CCDC85A: variants seen among roughly 807,000 people sequenced by gnomAD.
The protein encoded by CCDC85A is coiled-coil domain containing 85A.
In CCDC85A, 38 loss-of-function variants were observed where a neutral mutation model predicts 50.2. That is an observed-to-expected ratio of 0.76 (90% CI 0.58 to 0.99). The LOEUF is 0.99. CCDC85A is among the 50% of genes least tolerant of loss of function. CCDC85A has a pLI of 0.00. For missense variants in CCDC85A, 820 were observed against 742.0 expected, an observed-to-expected ratio of 1.11 and a Z score of -1.22; for synonymous variants, 366 against 301.4, an observed-to-expected ratio of 1.21 and a Z score of -2.22.
chr2:56,368,532 C>G (rs887331550), intron 3 of CCDC85A, among the ~76,000 whole-genome samples: 2 of 152,128 alleles, frequency 1.3e-5, no homozygotes, highest in African/African-American at 4.8e-5. Flanking sequence ...TAGGCATACA[C>G]TCTGATGAGG....
chr2:56,368,177 ATTAC>A (rs1675899380), intron 3 of CCDC85A, among the ~76,000 whole-genome samples: 1 of 152,192 alleles, frequency 6.6e-6, no homozygotes, highest in South Asian at 2.1e-4. Flanking sequence ...CATCCAGGAA[ATTAC>A]TTATTATTTT....
At chr2:56,234,388 A>T (rs12996636) in intron 2 of CCDC85A, among the ~76,000 whole-genome samples, 22,879 of 152,094 alleles carry the variant, frequency 0.15, 2,162 homozygotes, top group East Asian at 0.35. Flanking sequence ...CTGAGCAGAA[A>T]CTCAGTGAAT....
intron 3 of CCDC85A, among the ~76,000 whole-genome samples, chr2:56,355,818 A>T (rs746561310): frequency 2.0e-5 from 3 of 152,200 alleles, no homozygotes; most frequent in Non-Finnish European, 4.4e-5. Context: ...TTGTCTTTTC[A>T]TGACCTAAAA....
At chr2:56,370,380 A>G (rs1029297840) in intron 3 of CCDC85A, among the ~76,000 whole-genome samples, 2 of 152,124 alleles carry the variant, frequency 1.3e-5, no homozygotes, top group Non-Finnish European at 2.9e-5. Context: ...TGGCTGGCCC[A>G]GAACACACTT....
chr2:56,370,468 C>G (rs1198877491), intron 3 of CCDC85A, among the ~76,000 whole-genome samples: 2 of 151,984 alleles, frequency 1.3e-5, no homozygotes, highest in African/African-American at 4.8e-5. Context: ...AAAAGAGTGC[C>G]TTTTCCTTTA....
intron 2 of CCDC85A, among the ~76,000 whole-genome samples, chr2:56,323,651 G>T (rs1206586048): frequency 1.3e-5 from 2 of 152,008 alleles, no homozygotes; most frequent in African/African-American, 4.8e-5. Context: ...AATCATGTTG[G>T]TTATCACAAA....
At chr2:56,379,772 T>C (rs925726727) in intron 5 of CCDC85A, 2 of 984,314 alleles carry the variant, frequency 2.0e-6, no homozygotes, top group Admixed American at 6.2e-5. Flanking sequence ...CAGGAAACTA[T>C]AGATCGTCAA....
chr2:56,237,527 C>G (rs1400785208), intron 2 of CCDC85A, among the ~76,000 whole-genome samples: 1 of 152,162 alleles, frequency 6.6e-6, no homozygotes, highest in Non-Finnish European at 1.5e-5. Flanking sequence ...TGTTAAGCAG[C>G]TTACGTGAAT....
rs1676749410 is a variant in CCDC85A at position 56,384,653 on chromosome 2, T to A, written c.*298T>A. On this transcript the variant is annotated 3_prime_UTR_variant, in exon 6 of 6. Transcript: ENST00000407595. ...TACCAGTGTTTTCATTAGAAATAAG[T>A]GTTTTTAACTCCCCAGATATAATAT... 2 of 276,718 alleles carry A rather than the reference T, an allele frequency of 7.2e-6. No homozygotes were observed. The highest frequency in any genetic ancestry group is 1.2e-4 in the South Asian group (2 of 16,058). 17.1% of individuals were successfully genotyped at this position (276,718 alleles called of 1,614,324 possible). A position where few individuals can be genotyped will look rare whatever the true frequency, so the allele number is the denominator to read the frequency against.
chr2:56,264,147 G>C (rs182800505), intron 2 of CCDC85A, among the ~76,000 whole-genome samples: 4 of 152,250 alleles, frequency 2.6e-5, no homozygotes, highest in African/African-American at 9.6e-5. Flanking sequence ...ATTTCATCCA[G>C]TCTCATGCCA....
At position 56,209,605 on chromosome 2, in the gene CCDC85A, A is replaced by G. The variant is rs1247307137; in HGVS notation, c.1240+16165A>G. Among the ~76,000 whole-genome samples the G allele has an allele frequency of 2.0e-5, 3 of 152,048 alleles. No homozygotes were observed. The East Asian group carries it at 5.8e-4, about 30-fold the overall frequency. On this transcript the variant is annotated intron_variant, in intron 2 of 5. Coordinates refer to ENST00000407595, the MANE Select transcript of CCDC85A (RefSeq NM_001080433.2). Reference sequence around the variant, plus strand: ...GGATAGGTCTGCATTGGTAGTAGGAACTTCTGAGAATTTGTAATTTCTGTT... The same window carrying G: ...GGATAGGTCTGCATTGGTAGTAGGAGCTTCTGAGAATTTGTAATTTCTGTT...
rs118140707 is a variant in CCDC85A, at chr2:56,190,267, G to T, written c.277-2210G>T. Among the ~76,000 whole-genome samples, 30 of 152,284 alleles carry T rather than the reference G, an allele frequency of 2.0e-4. No homozygotes were observed. The East Asian group carries it at 5.4e-3, about 27-fold the overall frequency. ...AATCTTAGGTAGCAGCCCTGTAGCT[G>T]CCCCTGTTTCATCCTTACCAAACTA... On this transcript the variant is annotated intron_variant, in intron 1 of 5. Transcript: ENST00000407595.
intron 2 of CCDC85A, among the ~76,000 whole-genome samples, chr2:56,304,955 A>T (rs1457247191): frequency 6.6e-6 from 1 of 151,494 alleles, no homozygotes; most frequent in African/African-American, 2.4e-5. Flanking sequence ...AAAAAAAAAA[A>T]ACCTGGGCGT....
intron 3 of CCDC85A, among the ~76,000 whole-genome samples, chr2:56,361,581 T>G (rs1675528311): frequency 6.6e-6 from 1 of 152,198 alleles, no homozygotes; most frequent in Admixed American, 6.5e-5. Context: ...ACCTCTCATC[T>G]GAGGAGACTT....
chr2:56,231,163 C>G (rs1668756740), intron 2 of CCDC85A, among the ~76,000 whole-genome samples: 1 of 152,202 alleles, frequency 6.6e-6, no homozygotes. Context: ...GCTCATTCAA[C>G]TAGCATGACA....
At position 56,211,798 on chromosome 2, in the gene CCDC85A, A is replaced by C. The variant is rs114037528; in HGVS notation, c.1240+18358A>C. 2.3e-3 allele frequency among the ~76,000 whole-genome samples: 347 copies of C among 152,084 alleles called. 1 individual carries two copies. The highest frequency in any genetic ancestry group is 8.1e-3 in the African/African-American group (336 of 41,514). On this transcript the variant is annotated intron_variant, in intron 2 of 5. Transcript: ENST00000407595. ...ACGCACACAATTAGCCTAGACCCACATAATTTTTCACTTGGGACTTCCAGT... is the reference window on the plus strand; with the variant it reads ...ACGCACACAATTAGCCTAGACCCACCTAATTTTTCACTTGGGACTTCCAGT...
intron 2 of CCDC85A, among the ~76,000 whole-genome samples, chr2:56,243,255 A>T (rs1179111703): frequency 3.3e-5 from 5 of 152,092 alleles, no homozygotes; most frequent in Non-Finnish European, 7.4e-5. Flanking sequence ...TCCTCTTTAA[A>T]GCCAATAACT....
At chr2:56,273,862 A>C (rs1331492604) in intron 2 of CCDC85A, among the ~76,000 whole-genome samples, 1 of 152,134 alleles carries the variant, frequency 6.6e-6, no homozygotes, top group Non-Finnish European at 1.5e-5. Context: ...ATGAAGAAAA[A>C]TCGTTTGTTA....
rs1676335573 is a variant in CCDC85A at position 56,192,384 on chromosome 2, T to C, written c.277-93T>C. 8 of 1,510,406 alleles carry C rather than the reference T, an allele frequency of 5.3e-6. No homozygotes were observed. In the South Asian group the frequency reaches 9.5e-5, roughly 18 times the overall value. The allele number at this position is 1,510,406 out of a possible 1,614,324, so 93.6% of individuals were successfully genotyped here. On this transcript the variant is annotated intron_variant, in intron 1 of 5. Transcript: ENST00000407595. This position sits in a 1 kb window ranked among gnomAD's most constrained non-coding sequence, Gnocchi z 4.7. ...CTCCTCCCCTAACCTCACAGGTAAT[T>C]CACCAGTTACAGGCTCTCCCTTTCC...
Sources: allele counts gnomAD v4.1 joint callset (sites outside exome capture counted in the v4.1 genomes callset), GRCh38; gene constraint gnomAD v4.1.1; non-coding constraint Gnocchi (gnomAD v3.1); transcripts MANE v1.5; gene names NCBI Gene and HGNC (gene_info 2026-07-23, HGNC 2026-07-21).